Variants in TMCO5A observed in about 807,000 individuals in gnomAD.
TMCO5A encodes transmembrane and coiled-coil domain-containing protein 5A.
Under a neutral mutation model 42.3 loss-of-function variants are expected in TMCO5A, and 34 were observed. The ratio of observed to expected loss-of-function variants is 0.80; its 90% CI spans 0.61 to 1.07. The LOEUF is 1.07. Ranked by LOEUF, TMCO5A falls within the 50% of genes least tolerant of loss-of-function variation. TMCO5A has a pLI of 0.00. For missense variants in TMCO5A, 357 were observed against 327.9 expected, an observed-to-expected ratio of 1.09 and a Z score of -0.69; for synonymous variants, 131 against 115.6, an observed-to-expected ratio of 1.13 and a Z score of -0.86.
downstream of TMCO5A, chr15:37,951,439 G>T (rs1890155486): frequency 5.4e-6 from 3 of 555,288 alleles, no homozygotes; most frequent in Middle Eastern, 4.7e-4. Context: ...TGGCTCTGTG[G>T]ATCGGCTGAA....
At chr15:37,973,790 T>C in the TMCO5A span, among the ~76,000 whole-genome samples, 1 of 152,186 alleles carries the variant, frequency 6.6e-6, no homozygotes. Flanking sequence ...CTGGCTAGGA[T>C]ATCCAGTACA....
At chr15:37,941,048 C>T in intron 6 of TMCO5A, 101 bp from the exon 7 acceptor site, 1 of 1,057,344 alleles carries the variant, frequency 9.5e-7, no homozygotes, top group Non-Finnish European at 1.5e-6. Context: ...AAGTCATGGC[C>T]CTGAGGCTCC....
chr15:38,026,394 T>C, the TMCO5A span, among the ~76,000 whole-genome samples: 1 of 152,198 alleles, frequency 6.6e-6, no homozygotes, highest in Non-Finnish European at 1.5e-5. Context: ...CCTAGAGATC[T>C]GTGGAACTTT....
downstream of TMCO5A, among the ~76,000 whole-genome samples, chr15:37,972,143 T>C (rs1227301505): frequency 6.6e-6 from 1 of 152,224 alleles, no homozygotes; most frequent in Admixed American, 6.5e-5. Context: ...CAGTTCCACG[T>C]GGCTGGGGAG....
At chr15:37,998,249 G>A in the TMCO5A span, among the ~76,000 whole-genome samples, 2 of 152,136 alleles carry the variant, frequency 1.3e-5, no homozygotes, top group East Asian at 1.9e-4. Flanking sequence ...ATGTGCTTGT[G>A]GGATATTACT....
At chr15:37,964,447 G>T (rs1218507588) in intron 11 of TMCO5A, among the ~76,000 whole-genome samples, 1 of 151,910 alleles carries the variant, frequency 6.6e-6, no homozygotes, top group African/African-American at 2.4e-5. Context: ...GGATCTGTAG[G>T]TCCTCTCAGA....
At chr15:37,948,532 A>C (rs1890043246) in intron 11 of TMCO5A, among the ~76,000 whole-genome samples, 2 of 152,070 alleles carry the variant, frequency 1.3e-5, no homozygotes, top group African/African-American at 2.4e-5. Context: ...TAAAACAACT[A>C]GCAGAATTTT....
chr15:38,008,864 G>T, the TMCO5A span, among the ~76,000 whole-genome samples: 1 of 152,124 alleles, frequency 6.6e-6, no homozygotes, highest in East Asian at 1.9e-4. Context: ...ACCTGTGCAG[G>T]CATGTCACAT....
At chr15:37,960,769 C>T (rs1237641380) in intron 11 of TMCO5A, among the ~76,000 whole-genome samples, 2 of 152,082 alleles carry the variant, frequency 1.3e-5, no homozygotes, top group Admixed American at 1.3e-4. Context: ...ATTTGCATTT[C>T]CTTGATCATT....
the TMCO5A span, among the ~76,000 whole-genome samples, chr15:38,012,857 C>A: frequency 6.6e-6 from 1 of 152,004 alleles, no homozygotes; most frequent in African/African-American, 2.4e-5. Flanking sequence ...AATTATTAAT[C>A]ATTTATAGGG....
chr15:37,969,222 C>T (rs1035853754), downstream of TMCO5A, among the ~76,000 whole-genome samples: 1 of 152,148 alleles, frequency 6.6e-6, no homozygotes, highest in Non-Finnish European at 1.5e-5. Flanking sequence ...CATGTGTTAG[C>T]AAAGCCATTC....
At chr15:37,940,179 G>T (rs1889680623) in intron 6 of TMCO5A, among the ~76,000 whole-genome samples, 1 of 152,070 alleles carries the variant, frequency 6.6e-6, no homozygotes. Context: ...ACACAAATCA[G>T]ATTGTGTCTT....
chr15:38,013,440 T>C, the TMCO5A span, among the ~76,000 whole-genome samples: 1 of 152,156 alleles, frequency 6.6e-6, no homozygotes, highest in Non-Finnish European at 1.5e-5. Flanking sequence ...ACGAGATCCA[T>C]CTTGGCTATC....
intron 11 of TMCO5A, among the ~76,000 whole-genome samples, chr15:37,961,375 T>G (rs183986307): frequency 3.8e-4 from 58 of 152,132 alleles, no homozygotes; most frequent in African/African-American, 1.3e-3. Flanking sequence ...ATTTCTGAGT[T>G]CTCTATTCTG....
intron 11 of TMCO5A, among the ~76,000 whole-genome samples, chr15:37,965,354 C>T (rs1890531987): frequency 2.0e-5 from 3 of 151,978 alleles, no homozygotes; most frequent in Admixed American, 6.6e-5. Flanking sequence ...TTGGTCTGAG[C>T]AAAAATTTCT....
At chr15:37,966,287 T>G (rs78014858) in intron 11 of TMCO5A, among the ~76,000 whole-genome samples, 1 of 137,698 alleles carries the variant, frequency 7.3e-6, no homozygotes, top group Admixed American at 7.0e-5. Flanking sequence ...TGCTTAGTGG[T>G]TTTTTTTTTT....
rs140537116 is a variant in TMCO5A, at chr15:37,962,351, T to C, written c.669-4274T>C. ...GTGGCATATAACCTTTATTGACTTG[T>C]GTATATTAAACCATCTCTGCATCCC... On this transcript the variant is annotated intron_variant, in intron 11 of 11. Coordinates refer to the TMCO5A transcript ENST00000559502. 3.8e-3 allele frequency among the ~76,000 whole-genome samples: 580 copies of C among 152,192 alleles called. 5 individuals are homozygous for C. Among genetic ancestry groups the C allele is most frequent in the African/African-American group, 0.012 (517 of 41,554 alleles).
intron 6 of TMCO5A, among the ~76,000 whole-genome samples, chr15:37,940,842 G>A (rs1274878610): frequency 6.6e-6 from 1 of 152,122 alleles, no homozygotes; most frequent in African/African-American, 2.4e-5. Context: ...AAAAGGAAAA[G>A]GAAGAGTGAA....
the TMCO5A span, among the ~76,000 whole-genome samples, chr15:37,990,281 T>C: frequency 6.6e-6 from 1 of 152,120 alleles, no homozygotes; most frequent in Admixed American, 6.6e-5. Context: ...TGTTTTTGTT[T>C]CATATATTTT....
Sources: gnomAD v4.1 joint callset for allele counts (sites outside exome capture counted in the v4.1 genomes callset) on GRCh38, gnomAD v4.1.1 for gene constraint, MANE v1.5 for transcripts, NCBI Gene and HGNC (gene_info 2026-07-23, HGNC 2026-07-21) for gene names.